The following PTPRR variants were observed in gnomAD, a reference collection of about 807,000 sequenced individuals.
The protein encoded by PTPRR is receptor-type tyrosine-protein phosphatase R.
A neutral mutation model predicts 77.2 loss-of-function variants in PTPRR; 38 were observed. That is an observed-to-expected ratio of 0.49 (90% confidence interval 0.38 to 0.65). PTPRR has a LOEUF of 0.65. Among genes scored for constraint, PTPRR ranks in the 30% least tolerant of loss-of-function variants. The probability of loss-of-function intolerance (pLI) is 0.00; values close to 1 mark genes in which losing one functional copy is unlikely to be tolerated. For missense variants in PTPRR, 744 were observed against 799.2 expected, an observed-to-expected ratio of 0.93 and a Z score of 0.83; for synonymous variants, 299 against 283.1, an observed-to-expected ratio of 1.06 and a Z score of -0.57.
At chr12:70,677,598 G>C (rs1887495613) in intron 10 of PTPRR, among the ~76,000 whole-genome samples, 1 of 152,092 alleles carries the variant, frequency 6.6e-6, no homozygotes, top group African/African-American at 2.4e-5. Context: ...TATCTAATTT[G>C]TTGACAGTTC....
chr12:70,754,497 T>C (rs1278258405), intron 4 of PTPRR, 196 bp from the exon 5 acceptor site: 3 of 1,559,352 alleles, frequency 1.9e-6, no homozygotes, highest in African/African-American at 2.7e-5. Context: ...GATTATTTAG[T>C]CTCCTATGCA....
At chr12:70,714,467 T>G (rs1374289423) in intron 6 of PTPRR, among the ~76,000 whole-genome samples, 2 of 152,128 alleles carry the variant, frequency 1.3e-5, no homozygotes, top group Non-Finnish European at 2.9e-5. Context: ...ATCATAAAAT[T>G]TCATATAGTT....
intron 2 of PTPRR, among the ~76,000 whole-genome samples, chr12:70,862,341 G>A (rs1314040371): frequency 4.6e-5 from 7 of 151,968 alleles, no homozygotes; most frequent in East Asian, 3.9e-4. Context: ...AGTGGTCAAC[G>A]ATTGCTAGAC....
chr12:70,751,101 C>A (rs959449367), intron 5 of PTPRR, among the ~76,000 whole-genome samples: 1 of 152,038 alleles, frequency 6.6e-6, no homozygotes, highest in South Asian at 2.1e-4. Flanking sequence ...TGAAATCCAT[C>A]TAATTATTTC....
chr12:70,786,807 A>G (rs551550250), intron 2 of PTPRR, among the ~76,000 whole-genome samples: 9 of 152,328 alleles, frequency 5.9e-5, no homozygotes, highest in African/African-American at 1.9e-4. Flanking sequence ...GTTTATTGGC[A>G]TGTGGTTTTA....
chr12:70,738,922 C>A (rs1236287037), intron 6 of PTPRR, among the ~76,000 whole-genome samples: 1 of 152,160 alleles, frequency 6.6e-6, no homozygotes, highest in African/African-American at 2.4e-5. Context: ...AGTTACAGAG[C>A]AAGTGTTTGA....
At chr12:70,674,147 C>T (rs1176308438) in intron 10 of PTPRR, among the ~76,000 whole-genome samples, 5 of 152,058 alleles carry the variant, frequency 3.3e-5, no homozygotes, top group Non-Finnish European at 7.4e-5. Context: ...ATTGTCTAGG[C>T]TGGTCTCAAA....
At chr12:70,689,746 CA>C (rs1459726562) in intron 8 of PTPRR, among the ~76,000 whole-genome samples, 2 of 152,094 alleles carry the variant, frequency 1.3e-5, no homozygotes, top group African/African-American at 4.8e-5. Flanking sequence ...AGCTTCTTGC[CA>C]AGCATGCTCC....
chr12:70,741,254 C>T (rs1890037371), intron 6 of PTPRR, among the ~76,000 whole-genome samples: 1 of 152,150 alleles, frequency 6.6e-6, no homozygotes, highest in Non-Finnish European at 1.5e-5. Context: ...CCTCAAGAAG[C>T]TTAGAGTCTA....
At chr12:70,644,506 C>T (rs11178343) in intron 13 of PTPRR, among the ~76,000 whole-genome samples, 21,300 of 152,170 alleles carry the variant, frequency 0.14, 2,390 homozygotes, top group East Asian at 0.52. Flanking sequence ...CCCAACTACA[C>T]AATCTCTGCA....
At chr12:70,906,910 C>T (rs181693775) in intron 1 of PTPRR, 106 of 152,460 alleles carry the variant, frequency 7.0e-4, no homozygotes, top group African/African-American at 2.5e-3. Context: ...TAAAAGAACA[C>T]TTCCAAGGCT....
At chr12:70,675,286 T>C (rs1887402643) in intron 10 of PTPRR, among the ~76,000 whole-genome samples, 1 of 152,066 alleles carries the variant, frequency 6.6e-6, no homozygotes, top group South Asian at 2.1e-4. Context: ...GTTATTTGTT[T>C]ATATTTAGTA....
chr12:70,643,578 C>T (rs574919579), intron 13 of PTPRR, among the ~76,000 whole-genome samples: 53 of 152,164 alleles, frequency 3.5e-4, no homozygotes, highest in African/African-American at 1.2e-3. Context: ...ATGTATAAAG[C>T]TTGGTTAACT....
At chr12:70,876,457 T>C (rs1056452876) in intron 2 of PTPRR, among the ~76,000 whole-genome samples, 2 of 152,134 alleles carry the variant, frequency 1.3e-5, no homozygotes, top group African/African-American at 4.8e-5. Flanking sequence ...ACGTGAAAAT[T>C]ATGCAGCTAT....
In PTPRR at chr12:70,892,975, A is replaced by C. The variant is rs780000457; in HGVS notation, c.61T>G (p.Cys21Gly). The change falls in exon 2 of 14, where the codon TGC becomes GGC. Residue 21 changes from cysteine to glycine, a missense_variant and splice_region_variant. By Grantham distance (159) the Cys-to-Gly change is radical. This residue lies in a region of PTPRR where 570 missense variants were observed against 573.2 expected (regional missense o/e 0.99). Coordinates refer to ENST00000283228, the MANE Select transcript of PTPRR (RefSeq NM_002849.4). ...AAATGATCATTGTTTCCTGAAAAGCACCCTGAAAGAGGGAAGAAGCAGAAA... is the reference window on the plus strand; with the variant it reads ...AAATGATCATTGTTTCCTGAAAAGCCCCCTGAAAGAGGGAAGAAGCAGAAA... ...CLLLNLHAAG[C>G]FSGNNDHFLA... The C allele has an allele frequency of 1.9e-6, 3 of 1,611,590 alleles. No homozygotes were observed. The East Asian group carries it at 6.7e-5, about 36-fold the overall frequency.
At chr12:70,664,108 C>T (rs61930340) in intron 10 of PTPRR, among the ~76,000 whole-genome samples, 3,910 of 152,266 alleles carry the variant, frequency 0.026, 76 homozygotes, top group South Asian at 0.11. Context: ...ACATTTACAT[C>T]CTCTACATTT....
intron 1 of PTPRR, among the ~76,000 whole-genome samples, chr12:70,900,774 G>A (rs926279226): frequency 2.0e-5 from 3 of 151,546 alleles, no homozygotes; most frequent in African/African-American, 7.3e-5. Flanking sequence ...ATGAAAATAT[G>A]CTCAGCATCA....
intron 6 of PTPRR, among the ~76,000 whole-genome samples, chr12:70,742,060 A>G (rs1245974888): frequency 6.6e-6 from 1 of 152,198 alleles, no homozygotes; most frequent in East Asian, 1.9e-4. Flanking sequence ...GCAACAGGGA[A>G]CAACATGGTG....
intron 2 of PTPRR, among the ~76,000 whole-genome samples, chr12:70,841,185 C>A (rs1936477539): frequency 6.6e-6 from 1 of 151,848 alleles, no homozygotes; most frequent in African/African-American, 2.4e-5. Context: ...TCCACTCTAC[C>A]CTTACCCCCC....
Sources: allele counts gnomAD v4.1 joint callset (sites outside exome capture counted in the v4.1 genomes callset), GRCh38; gene constraint gnomAD v4.1.1; regional missense constraint gnomAD v4.1.1; transcripts MANE v1.5; gene names NCBI Gene and HGNC (gene_info 2026-07-23, HGNC 2026-07-21).